CDK13: variants seen among roughly 807,000 people sequenced by gnomAD.
CDK13 encodes the protein cyclin-dependent kinase 13.
Under a neutral mutation model 137.6 loss-of-function variants are expected in CDK13, and 40 were observed. The ratio of observed to expected loss-of-function variants is 0.29; its 90% CI spans 0.23 to 0.38. The LOEUF (loss-of-function observed/expected upper bound fraction) is 0.38, where lower values mean the gene tolerates loss of function less well. Among genes scored for constraint, CDK13 ranks in the 10% least tolerant of loss-of-function variants. The pLI is 1.00. For synonymous variants in CDK13, 869 were observed against 760.1 expected (o/e 1.14, Z -2.36); for missense variants, 1,704 against 1,951.8 (o/e 0.87, Z 2.39).
intron 1 of CDK13, among the ~76,000 whole-genome samples, chr7:39,973,053 T>A (rs1784033322): frequency 6.6e-6 from 1 of 152,202 alleles, no homozygotes; most frequent in Non-Finnish European, 1.5e-5. Flanking sequence ...AAGTTGAGCA[T>A]CTTTTCATGT....
At position 40,098,134 on chromosome 7, in the gene CDK13, T is replaced by C. The variant is rs1787081985; in HGVS notation, c.*3154T>C. The C allele has an allele frequency of 6.6e-6, 1 of 152,124 alleles. No individual in the cohort carries two copies. The highest frequency in any genetic ancestry group is 2.1e-4 in the South Asian group (1 of 4,832). 9.4% of individuals were successfully genotyped at this position (152,124 alleles called of 1,614,324 possible). A position where few individuals can be genotyped will look rare whatever the true frequency, so the allele number is the denominator to read the frequency against. On this transcript the variant is annotated 3_prime_UTR_variant, in exon 14 of 14. Coordinates refer to ENST00000181839, the MANE Select transcript of CDK13 (RefSeq NM_003718.5). ...ATTGAAATTTGGATAGAGATGGTTA[T>C]GGAGAGAAATCAAACAACTGGAATA...
intron 11 of CDK13, among the ~76,000 whole-genome samples, chr7:40,079,324 C>T (rs17538209): frequency 0.03 from 4,542 of 152,004 alleles, 210 homozygotes; most frequent in African/African-American, 0.1. Flanking sequence ...GAGGCTGAGG[C>T]AGGAGAATCG....
chr7:40,002,446 T>A (rs1313747488), intron 5 of CDK13, among the ~76,000 whole-genome samples: 3 of 152,164 alleles, frequency 2.0e-5, no homozygotes, highest in African/African-American at 4.8e-5. Context: ...AAAATCATAC[T>A]TGAAATTGCC....
chr7:40,065,430 T>C (rs890726369), intron 9 of CDK13, among the ~76,000 whole-genome samples: 1 of 151,428 alleles, frequency 6.6e-6, no homozygotes, highest in Admixed American at 6.6e-5. Context: ...AGACCACACA[T>C]AAAATACAGT....
At chr7:39,954,770 A>G (rs571048104) in intron 1 of CDK13, among the ~76,000 whole-genome samples, 7 of 152,212 alleles carry the variant, frequency 4.6e-5, no homozygotes, top group Admixed American at 6.5e-5. Context: ...CGTGGTATGA[A>G]GATGAAAAAC....
chr7:40,092,756 A>G (rs1427791044), intron 12 of CDK13, 29 bp from the exon 13 acceptor site: 1 of 1,545,398 alleles, frequency 6.5e-7, no homozygotes. Flanking sequence ...GAATTATGAC[A>G]GTTCTAATTA....
chr7:40,079,831 TG>T (rs1426581606), intron 11 of CDK13, among the ~76,000 whole-genome samples: 5 of 152,164 alleles, frequency 3.3e-5, no homozygotes, highest in African/African-American at 1.2e-4. Context: ...ATATAGAGTT[TG>T]GGAGTCAAAA....
intron 1 of CDK13, among the ~76,000 whole-genome samples, chr7:39,976,549 T>G (rs990732241): frequency 8.5e-5 from 13 of 152,078 alleles, no homozygotes; most frequent in Non-Finnish European, 1.6e-4. Context: ...TGAGGGTTAG[T>G]GTGGTATACA....
intron 1 of CDK13, among the ~76,000 whole-genome samples, chr7:39,975,527 T>C (rs1474716607): frequency 6.6e-6 from 1 of 152,204 alleles, no homozygotes; most frequent in African/African-American, 2.4e-5. Context: ...ATCTCCTATT[T>C]TGTAGTATGT....
intron 13 of CDK13, among the ~76,000 whole-genome samples, chr7:40,093,814 GTGGATCACT>G (rs1786980054): frequency 6.6e-6 from 1 of 151,438 alleles, no homozygotes; most frequent in African/African-American, 2.4e-5. Context: ...GCTGAGGTGG[GTGGATCACT>G]TGAGCCCAGG....
At chr7:40,066,597 CTAAT>C (rs1249390176) in intron 9 of CDK13, 4 of 152,130 alleles carry the variant, frequency 2.6e-5, no homozygotes, top group Non-Finnish European at 1.5e-5. Context: ...ACATTGCTGT[CTAAT>C]TAGGGATGGA....
At chr7:40,093,472 AAC>A (rs1430473775) in intron 13 of CDK13, among the ~76,000 whole-genome samples, 5 of 152,332 alleles carry the variant, frequency 3.3e-5, no homozygotes, top group African/African-American at 1.2e-4. Flanking sequence ...TTCTAAGGTA[AAC>A]CTATGGTTAA....
chr7:40,081,890 G>A (rs1414509553), intron 11 of CDK13, among the ~76,000 whole-genome samples: 1 of 152,092 alleles, frequency 6.6e-6, no homozygotes, highest in East Asian at 1.9e-4. Context: ...GGGATTACAG[G>A]TGTGAGCCAC....
chr7:40,036,173 T>TACACACACACACACACACACACACAC (rs70996875), intron 5 of CDK13, among the ~76,000 whole-genome samples: 1 of 149,028 alleles, frequency 6.7e-6, no homozygotes, highest in Admixed American at 6.8e-5. Flanking sequence ...ATAAATAAAT[T>TACACACACACACACACACACACACAC]ACACACACAC....
intron 1 of CDK13, among the ~76,000 whole-genome samples, chr7:39,961,066 C>T (rs989374806): frequency 1.1e-4 from 16 of 151,826 alleles, no homozygotes; most frequent in African/African-American, 1.7e-4. Context: ...AACATTTTAA[C>T]TCTACTCTTT....
intron 5 of CDK13, among the ~76,000 whole-genome samples, chr7:40,010,979 G>C (rs76768483): frequency 0.031 from 4,732 of 152,224 alleles, 106 homozygotes; most frequent in Middle Eastern, 0.068. Flanking sequence ...TTGAATACTA[G>C]AAAACATAAT....
intron 5 of CDK13, among the ~76,000 whole-genome samples, chr7:40,029,620 T>A (rs1187000228): frequency 6.9e-6 from 1 of 145,902 alleles, no homozygotes; most frequent in African/African-American, 2.5e-5. Flanking sequence ...CTCGGGAGGC[T>A]GAGAGAGAGA....
chr7:40,025,251 C>G (rs1395686869), intron 5 of CDK13, among the ~76,000 whole-genome samples: 1 of 152,170 alleles, frequency 6.6e-6, no homozygotes, highest in African/African-American at 2.4e-5. Flanking sequence ...AGTTACTTTA[C>G]TTACATATTT....
intron 2 of CDK13, among the ~76,000 whole-genome samples, chr7:39,992,096 C>T (rs1379327364): frequency 8.4e-6 from 1 of 118,420 alleles, no homozygotes; most frequent in Non-Finnish European, 1.5e-5. Context: ...CACACACACA[C>T]ACACACACGC....
Sources: gnomAD v4.1 joint callset for allele counts (sites outside exome capture counted in the v4.1 genomes callset) on GRCh38, gnomAD v4.1.1 for gene constraint, MANE v1.5 for transcripts, NCBI Gene and HGNC (gene_info 2026-07-23, HGNC 2026-07-21) for gene names.